The following XYLT1 variants were observed in gnomAD, a reference collection of about 807,000 sequenced individuals.
XYLT1 encodes the protein xylosyltransferase 1, also known as beta-D-xylosyltransferase 1.
In XYLT1, 36 loss-of-function variants were observed where a neutral mutation model predicts 91.3. That is an observed-to-expected ratio of 0.39 (90% CI 0.30 to 0.52). The LOEUF (loss-of-function observed/expected upper bound fraction) is 0.52. Ranked by LOEUF, XYLT1 falls within the 20% of genes least tolerant of loss-of-function variation. The pLI, the probability that XYLT1 is intolerant of heterozygous loss-of-function variation, is 0.68. For synonymous variants in XYLT1, 588 were observed against 532.0 expected (o/e 1.11, Z -1.45); for missense variants, 1,242 against 1,284.5 (o/e 0.97, Z 0.51).
rs745351447 is a variant in XYLT1 at position 17,134,744 on chromosome 16, A to G, written c.1765-9T>C. On this transcript the variant is annotated splice_polypyrimidine_tract_variant and intron_variant, in intron 8 of 11. Transcript: ENST00000261381. ...GTAGGCCGGGCTGTCTGCTGTACTC[A>G]TGGGATTAAAAATAGAAAAGCCACA... 1 of 1,612,562 alleles carries G rather than the reference A, an allele frequency of 6.2e-7. No homozygotes were observed. The highest frequency in any genetic ancestry group is 1.7e-5 in the Admixed American group (1 of 59,966).
chr16:17,103,441 G>T lies in XYLT1; in HGVS notation c.*5254C>A, dbSNP rs1966733544. On this transcript the variant is annotated 3_prime_UTR_variant, in exon 12 of 12. Coordinates refer to ENST00000261381, the MANE Select transcript of XYLT1 (RefSeq NM_022166.4). ...TTTGTAAGCAATTCCTATAGCATCT[G>T]CCAACTACAGATTGGCAGCCCCTTC... 1 of 152,192 alleles carries T rather than the reference G, an allele frequency of 6.6e-6. No homozygotes were observed. 9.4% of individuals were successfully genotyped at this position (152,192 alleles called of 1,614,324 possible). A position where few individuals can be genotyped will look rare whatever the true frequency, so the allele number is the denominator to read the frequency against.
intron 2 of XYLT1, among the ~76,000 whole-genome samples, chr16:17,267,413 T>A (rs1483798009): frequency 6.6e-6 from 1 of 152,208 alleles, no homozygotes; most frequent in African/African-American, 2.4e-5. Context: ...CTGAGTCTTT[T>A]GTTTGTTTGT....
At chr16:17,110,942 C>T (rs1426949342) in intron 11 of XYLT1, among the ~76,000 whole-genome samples, 1 of 152,130 alleles carries the variant, frequency 6.6e-6, no homozygotes, top group Non-Finnish European at 1.5e-5. Flanking sequence ...GGTGGATCAC[C>T]TGAGGTCAGG....
At chr16:17,297,305 G>A (rs7202004) in intron 2 of XYLT1, among the ~76,000 whole-genome samples, 1,922 of 152,200 alleles carry the variant, frequency 0.013, 51 homozygotes, top group African/African-American at 0.043. Flanking sequence ...AGTGGCTCAC[G>A]CCTATAATCC....
intron 1 of XYLT1, among the ~76,000 whole-genome samples, chr16:17,442,216 T>C (rs1387622174): frequency 6.6e-6 from 1 of 152,204 alleles, no homozygotes; most frequent in Non-Finnish European, 1.5e-5. Flanking sequence ...TTCTCAGCCA[T>C]CATACTTGTA....
intron 2 of XYLT1, among the ~76,000 whole-genome samples, chr16:17,331,570 G>C (rs1336017348): frequency 6.6e-6 from 1 of 152,170 alleles, no homozygotes; most frequent in Non-Finnish European, 1.5e-5. Context: ...AAAGGAGGGA[G>C]GGATTAAACC....
intron 3 of XYLT1, among the ~76,000 whole-genome samples, chr16:17,241,002 C>T (rs996197202): frequency 6.6e-6 from 1 of 152,162 alleles, no homozygotes; most frequent in Non-Finnish European, 1.5e-5. Context: ...TCACAGGATC[C>T]TATTCCATGT....
chr16:17,391,130 C>T (rs1176415502), intron 1 of XYLT1, among the ~76,000 whole-genome samples: 2 of 152,220 alleles, frequency 1.3e-5, no homozygotes, highest in African/African-American at 4.8e-5. Flanking sequence ...ACAAGATTTG[C>T]AACTTCCCTG....
intron 2 of XYLT1, among the ~76,000 whole-genome samples, chr16:17,349,411 GA>G (rs1397329330): frequency 6.6e-6 from 1 of 151,866 alleles, no homozygotes; most frequent in African/African-American, 2.4e-5. Flanking sequence ...ACATAGCAGG[GA>G]AGGAGACAGA....
chr16:17,458,486 G>C (rs970780931), intron 1 of XYLT1, among the ~76,000 whole-genome samples: 13 of 152,188 alleles, frequency 8.5e-5, no homozygotes, highest in Non-Finnish European at 2.9e-5. Flanking sequence ...TGGGAGCAAT[G>C]CAGACATCAG....
At chr16:17,118,074 C>T in intron 10 of XYLT1, 95 bp from the exon 11 acceptor site, 1 of 1,284,632 alleles carries the variant, frequency 7.8e-7, no homozygotes, top group Non-Finnish European at 1.1e-6. Flanking sequence ...CTTTCATATA[C>T]CCATTTTACA....
chr16:17,291,929 G>A lies in XYLT1; in HGVS notation c.403-32431C>T, dbSNP rs537764683. Among the ~76,000 whole-genome samples the A allele has an allele frequency of 2.6e-3, 389 of 152,142 alleles. 3 individuals carry two copies. The highest frequency in any genetic ancestry group is 8.3e-3 in the African/African-American group (343 of 41,484). ...TGGCCAGGCACGGTAGCTGACACCT[G>A]TAATCCTAGCACTTAGGGAGGCCGA... On this transcript the variant is annotated intron_variant, in intron 2 of 11. Transcript: ENST00000261381.
intron 5 of XYLT1, among the ~76,000 whole-genome samples, chr16:17,174,301 C>T (rs1273341819): frequency 1.3e-5 from 2 of 152,112 alleles, no homozygotes; most frequent in African/African-American, 2.4e-5. Flanking sequence ...AACAGGTGTT[C>T]GAACAAAACT....
At chr16:17,151,795 AAG>A (rs1030359065) in intron 6 of XYLT1, among the ~76,000 whole-genome samples, 1 of 152,164 alleles carries the variant, frequency 6.6e-6, no homozygotes, top group African/African-American at 2.4e-5. Flanking sequence ...CAGGCCAGAG[AAG>A]AGAGAGAAAC....
chr16:17,327,088 C>T (rs994897010), intron 2 of XYLT1, among the ~76,000 whole-genome samples: 2 of 152,240 alleles, frequency 1.3e-5, no homozygotes, highest in East Asian at 1.9e-4. Flanking sequence ...ATGGACAGCA[C>T]GGGTGGGGAA....
Position 17,422,036 on chromosome 16 carries a change from G to A in XYLT1, c.363+48398C>T, listed in dbSNP as rs574905231. Reference sequence around the variant, plus strand: ...CTTGCTTTGTCACCCAGGCTGGAGTGCAATGGCATGATCTCCACTCACCGG... The same window carrying A: ...CTTGCTTTGTCACCCAGGCTGGAGTACAATGGCATGATCTCCACTCACCGG... On this transcript the variant is annotated intron_variant, in intron 1 of 11. Transcript: ENST00000261381. 3.9e-5 allele frequency among the ~76,000 whole-genome samples: 6 copies of A among 152,092 alleles called. No individual in the cohort carries two copies. In the South Asian group the frequency reaches 1.3e-3, roughly 32 times the overall value.
intron 1 of XYLT1, among the ~76,000 whole-genome samples, chr16:17,431,619 T>G (rs1212591876): frequency 6.6e-6 from 1 of 152,234 alleles, no homozygotes; most frequent in African/African-American, 2.4e-5. Context: ...TTAACTATCA[T>G]TATCAGAAAG....
rs1966756953 is a variant in XYLT1 at position 17,105,124 on chromosome 16, A to C, written c.*3571T>G. The C allele has an allele frequency of 6.6e-6, 1 of 152,004 alleles. No individual in the cohort carries two copies. The highest frequency in any genetic ancestry group is 2.1e-4 in the South Asian group (1 of 4,826). The allele number at this position is 152,004 out of a possible 1,614,324, so 9.4% of individuals were successfully genotyped here. On this transcript the variant is annotated 3_prime_UTR_variant, in exon 12 of 12. Coordinates refer to ENST00000261381, the MANE Select transcript of XYLT1 (RefSeq NM_022166.4). ...AAATCCTCAGTGAACTTGGTTGTGA[A>C]AGGACTCTTTATTCACACCCCACTG...
chr16:17,118,581 G>A (rs1207329370), intron 10 of XYLT1, among the ~76,000 whole-genome samples: 1 of 152,136 alleles, frequency 6.6e-6, no homozygotes, highest in Non-Finnish European at 1.5e-5. Flanking sequence ...AAGCATGAGA[G>A]TCATCCTGCG....
Sources: allele counts gnomAD v4.1 joint callset (sites outside exome capture counted in the v4.1 genomes callset), GRCh38; gene constraint gnomAD v4.1.1; transcripts MANE v1.5; gene names NCBI Gene and HGNC (gene_info 2026-07-23, HGNC 2026-07-21).